The following FAM135B variants were observed in gnomAD, a reference collection of about 807,000 sequenced individuals.
FAM135B encodes the protein family with sequence similarity 135 member B, also known as protein FAM135B.
A neutral mutation model predicts 127.7 loss-of-function variants in FAM135B; 43 were observed. The ratio of observed to expected loss-of-function variants is 0.34; its 90% confidence interval spans 0.26 to 0.43. The LOEUF is 0.43. Among genes scored for constraint, FAM135B ranks in the 20% least tolerant of loss-of-function variants. The pLI is 1.00. For synonymous variants in FAM135B, 670 were observed against 665.1 expected (o/e 1.01, Z -0.11); for missense variants, 1,558 against 1,725.6 (o/e 0.90, Z 1.72).
In FAM135B at chr8:138,168,357, T is replaced by C. The variant is rs201413118; in HGVS notation, c.1104-308A>G. The stretch of plus-strand genomic sequence containing the variant: ...CCACATTAGTGGAAAGCAAGCTGAG[T>C]TTTTAAATGACTAGAAATTTAGAAA... On this transcript the variant is annotated intron_variant, in intron 11 of 19. Transcript: ENST00000395297. Among the ~76,000 whole-genome samples, 14 of 152,216 alleles carry C rather than the reference T, an allele frequency of 9.2e-5. No individual in the cohort carries two copies. The East Asian group carries it at 2.7e-3, about 29-fold the overall frequency.
chr8:138,244,174 G>C (rs1025124504), intron 6 of FAM135B, among the ~76,000 whole-genome samples: 2 of 152,174 alleles, frequency 1.3e-5, no homozygotes, highest in South Asian at 4.1e-4. Flanking sequence ...ACGATGATAA[G>C]ATGATTGAGG....
chr8:138,348,203 C>T (rs977253120), intron 2 of FAM135B, among the ~76,000 whole-genome samples: 106 of 133,288 alleles, frequency 8.0e-4, no homozygotes, highest in African/African-American at 2.8e-3. Flanking sequence ...GGCTCCATCT[C>T]GGCTCACCGC....
intron 1 of FAM135B, among the ~76,000 whole-genome samples, chr8:138,381,730 T>C (rs1410083948): frequency 6.6e-6 from 1 of 152,220 alleles, no homozygotes; most frequent in Admixed American, 6.5e-5. Flanking sequence ...ACTTAGGACA[T>C]TAAGACTGAT....
chr8:138,159,309 G>A (rs1192557804), intron 12 of FAM135B, among the ~76,000 whole-genome samples: 22 of 142,540 alleles, frequency 1.5e-4, no homozygotes, highest in African/African-American at 5.2e-4. Flanking sequence ...GCACACATAT[G>A]TTTATTGCGG....
At chr8:138,142,593 C>T (rs1028633446) in intron 16 of FAM135B, among the ~76,000 whole-genome samples, 1 of 151,952 alleles carries the variant, frequency 6.6e-6, no homozygotes, top group African/African-American at 2.4e-5. Context: ...TGTGAGCCAC[C>T]GCGCCCGGCC....
intron 1 of FAM135B, among the ~76,000 whole-genome samples, chr8:138,472,985 G>A (rs1410003926): frequency 6.6e-6 from 1 of 152,118 alleles, no homozygotes; most frequent in Admixed American, 6.6e-5. Context: ...AGGGCACGTG[G>A]ATATTGGGAA....
At chr8:138,221,391 A>G (rs912054835) in intron 7 of FAM135B, among the ~76,000 whole-genome samples, 7 of 152,192 alleles carry the variant, frequency 4.6e-5, no homozygotes, top group African/African-American at 1.7e-4. Flanking sequence ...CAAATCATTC[A>G]TGAGAACTCT....
At chr8:138,185,572 G>GAAA (rs1214501509) in intron 9 of FAM135B, among the ~76,000 whole-genome samples, 1 of 152,078 alleles carries the variant, frequency 6.6e-6, no homozygotes, top group African/African-American at 2.4e-5. Context: ...AACAAAACAG[G>GAAA]CTGCCCACAG....
chr8:138,353,415 A>G (rs1829897731), intron 2 of FAM135B, among the ~76,000 whole-genome samples: 1 of 152,084 alleles, frequency 6.6e-6, no homozygotes, highest in African/African-American at 2.4e-5. Context: ...TGCAACATTT[A>G]GCCTTGGGAT....
intron 1 of FAM135B, among the ~76,000 whole-genome samples, chr8:138,491,148 A>C (rs1484010685): frequency 6.6e-6 from 1 of 150,572 alleles, no homozygotes; most frequent in Admixed American, 6.6e-5. Context: ...CTCTCAAAAA[A>C]AAAAAAAAAA....
intron 1 of FAM135B, among the ~76,000 whole-genome samples, chr8:138,373,786 C>G (rs944472846): frequency 6.6e-6 from 1 of 151,968 alleles, no homozygotes; most frequent in African/African-American, 2.4e-5. Flanking sequence ...TATGTAGGGA[C>G]GAAATAAGCC....
At chr8:138,413,764 T>G (rs745490227) in intron 1 of FAM135B, among the ~76,000 whole-genome samples, 1 of 152,014 alleles carries the variant, frequency 6.6e-6, no homozygotes, top group Non-Finnish European at 1.5e-5. Context: ...AGTTCCATAT[T>G]CAGCCTGCAC....
At chr8:138,339,142 G>A (rs10097086) in intron 2 of FAM135B, among the ~76,000 whole-genome samples, 71,921 of 147,728 alleles carry the variant, frequency 0.49, 19,163 homozygotes, top group Non-Finnish European at 0.61. Context: ...ATAGCATTAG[G>A]AGATACACCT....
intron 14 of FAM135B, among the ~76,000 whole-genome samples, chr8:138,147,609 C>G (rs1378589592): frequency 1.3e-5 from 2 of 152,098 alleles, no homozygotes; most frequent in Non-Finnish European, 2.9e-5. Flanking sequence ...ACATATGCAC[C>G]TTGAACTAGA....
intron 1 of FAM135B, among the ~76,000 whole-genome samples, chr8:138,388,340 T>G (rs1382417835): frequency 1.3e-5 from 2 of 152,202 alleles, no homozygotes; most frequent in Non-Finnish European, 2.9e-5. Context: ...TTTGACAGTT[T>G]TGTATGAAAT....
chr8:138,199,167 G>A (rs6984007), intron 7 of FAM135B, among the ~76,000 whole-genome samples: 73,610 of 151,980 alleles, frequency 0.48, 17,919 homozygotes, highest in South Asian at 0.53. Flanking sequence ...ACACACGTCT[G>A]TACATCATCT....
At chr8:138,392,775 G>A (rs1832650629) in intron 1 of FAM135B, among the ~76,000 whole-genome samples, 1 of 152,070 alleles carries the variant, frequency 6.6e-6, no homozygotes, top group African/African-American at 2.4e-5. Flanking sequence ...GCAGGAGCTA[G>A]GGACCACTAC....
chr8:138,190,182 C>T (rs1815980255), intron 9 of FAM135B, among the ~76,000 whole-genome samples: 1 of 152,202 alleles, frequency 6.6e-6, no homozygotes, highest in African/African-American at 2.4e-5. Flanking sequence ...ATGCCAGCCC[C>T]AGCCAATTAC....
intron 1 of FAM135B, among the ~76,000 whole-genome samples, chr8:138,449,778 T>G (rs1836391481): frequency 6.6e-6 from 1 of 152,164 alleles, no homozygotes; most frequent in South Asian, 2.1e-4. Context: ...CTCACCAGTG[T>G]GGTGCATGTG....
Sources: allele counts gnomAD v4.1 joint callset (sites outside exome capture counted in the v4.1 genomes callset), GRCh38; gene constraint gnomAD v4.1.1; transcripts MANE v1.5; gene names NCBI Gene and HGNC (gene_info 2026-07-23, HGNC 2026-07-21).